The following DIPK1B variants were observed in gnomAD, a reference collection of about 807,000 sequenced individuals.
DIPK1B encodes family with sequence similarity 69 member B.
DIPK1B carries 17 observed loss-of-function variants against 20.7 expected under a neutral mutation model. The ratio of observed to expected loss-of-function variants is 0.82; its 90% CI spans 0.56 to 1.23. DIPK1B has a LOEUF of 1.23. Ranked by LOEUF, DIPK1B falls within the 50% of genes most tolerant of loss-of-function variation. The pLI is 0.00. For synonymous variants in DIPK1B, 343 were observed against 276.5 expected (o/e 1.24, Z -2.39); for missense variants, 648 against 601.8 (o/e 1.08, Z -0.80).
chr9:136,714,259 C>T (rs148841997), intron 1 of DIPK1B, among the ~76,000 whole-genome samples: 76 of 152,282 alleles, frequency 5.0e-4, no homozygotes, highest in African/African-American at 1.6e-3. Flanking sequence ...GCTGGGAGTT[C>T]GAGGCTGCAG....
chr9:136,719,432 G>C (rs1846554864), intron 2 of DIPK1B, among the ~76,000 whole-genome samples: 1 of 152,198 alleles, frequency 6.6e-6, no homozygotes, highest in African/African-American at 2.4e-5. Flanking sequence ...CCTCGTGGGG[G>C]CATTGGACGC....
chr9:136,718,433 G>A (rs1846536961), intron 2 of DIPK1B, among the ~76,000 whole-genome samples: 1 of 152,160 alleles, frequency 6.6e-6, no homozygotes, highest in Non-Finnish European at 1.5e-5. Flanking sequence ...GTGTGTGTCT[G>A]GGAGCAAACG....
At chr9:136,720,643 G>T (rs138353252) in intron 2 of DIPK1B, among the ~76,000 whole-genome samples, 1 of 152,320 alleles carries the variant, frequency 6.6e-6, no homozygotes, top group African/African-American at 2.4e-5. Flanking sequence ...TCTGGCTAAG[G>T]AGGGGGCCTG....
At chr9:136,720,051 T>A (rs1426044202) in intron 2 of DIPK1B, among the ~76,000 whole-genome samples, 2 of 143,162 alleles carry the variant, frequency 1.4e-5, no homozygotes, top group Non-Finnish European at 3.0e-5. Context: ...GGTCTGGGGC[T>A]CCGGGTGCAG....
chr9:136,723,472 C>G lies in DIPK1B; in HGVS notation c.994C>G (p.Arg332Gly), dbSNP rs143390599. The G allele has an allele frequency of 6.2e-7, 1 of 1,610,462 alleles. No homozygotes were observed. Reference protein sequence around the residue: ...EATVRRFLQGRRCEHSTDCTY... With the variant: ...EATVRRFLQGGRCEHSTDCTY... ...CACCGTGCGCCGCTTCCTGCAGGGC[C>G]GCCGCTGCGAGCACAGCACCGACTG... The change falls in exon 5 of 5, where the codon CGC (arginine) becomes GGC (glycine). Residue 332 changes from arginine (R) to glycine (G), a missense_variant. Physicochemically the swap from Arg to Gly is moderately radical, Grantham distance 125. Transcript: ENST00000371692.
chr9:136,712,910 C>T lies in DIPK1B; in HGVS notation c.63+182C>T, dbSNP rs377608867. On this transcript the variant is annotated intron_variant, in intron 1 of 4. Coordinates refer to ENST00000371692, the MANE Select transcript of DIPK1B (RefSeq NM_152421.4). The surrounding 1 kb of genome is among the most constrained non-coding windows in gnomAD (Gnocchi z 5.6). ...GAAGGACGGGACGCTGGGGGAGGGGCGGTGGCGGCGACAGGAGGGTCCGGG... is the reference window on the plus strand; with the variant it reads ...GAAGGACGGGACGCTGGGGGAGGGGTGGTGGCGGCGACAGGAGGGTCCGGG... 3.9e-4 allele frequency among the ~76,000 whole-genome samples: 59 copies of T among 152,070 alleles called. No individual in the cohort carries two copies. Among genetic ancestry groups the T allele is most frequent in the African/African-American group, 1.3e-3 (54 of 41,430 alleles).
In DIPK1B at chr9:136,713,270, C is replaced by G. The variant is rs1432582780; in HGVS notation, c.63+542C>G. Among the ~76,000 whole-genome samples, 4 of 152,286 alleles carry G rather than the reference C, an allele frequency of 2.6e-5. No homozygotes were observed. The South Asian group carries it at 8.3e-4, about 32-fold the overall frequency. ...TTCCAGCTGCCAGGAGCCCTTTCAC[C>G]TTCTGCTTTGGGGAGATGCAGGCCA... On this transcript the variant is annotated intron_variant, in intron 1 of 4. Transcript: ENST00000371692.
intron 4 of DIPK1B, 109 bp downstream of exon 4, chr9:136,722,410 G>A (rs11145847): frequency 1.3e-5 from 16 of 1,261,458 alleles, no homozygotes; most frequent in Non-Finnish European, 1.6e-5. Flanking sequence ...ATGGGCCCAA[G>A]TGGACCCTGG....
intron 1 of DIPK1B, among the ~76,000 whole-genome samples, chr9:136,713,720 C>G (rs1414146147): frequency 6.6e-6 from 1 of 152,254 alleles, no homozygotes; most frequent in Non-Finnish European, 1.5e-5. Context: ...GATGCTGATG[C>G]TTGGAGCTCC....
chr9:136,723,597 A>G lies in DIPK1B; in HGVS notation c.1119A>G (p.Leu373=). ...QPNLAKVCAL[L]RGYLLPGAPA... ...ACCTGGCCAAGGTGTGCGCACTGCTACGGGGCTACCTGCTGCCTGGCGCGC... is the reference window on the plus strand; with the variant it reads ...ACCTGGCCAAGGTGTGCGCACTGCTGCGGGGCTACCTGCTGCCTGGCGCGC... Residue 373 remains leucine (L), a synonymous_variant, in exon 5 of 5, where the codon CTA becomes CTG. Transcript: ENST00000371692. 2 of 1,592,666 alleles carry G rather than the reference A, an allele frequency of 1.3e-6. No individual in the cohort carries two copies. Among genetic ancestry groups the G allele is most frequent in the Non-Finnish European group, 1.7e-6 (2 of 1,170,596 alleles).
At position 136,723,523 on chromosome 9, in the gene DIPK1B, C is replaced by G; in HGVS notation, c.1045C>G (p.Pro349Ala). Reference sequence around the variant, plus strand: ...CACCTACGGGCGCGACTGCAGGGCCCCGTGTGACAGGCTCATGAGGCAGTG... The same window carrying G: ...CACCTACGGGCGCGACTGCAGGGCCGCGTGTGACAGGCTCATGAGGCAGTG... ...DCTYGRDCRA[P>A]CDRLMRQCKG... The change falls in exon 5 of 5, where the codon CCG (proline) becomes GCG (alanine). Residue 349 changes from proline to alanine, a missense_variant. Transcript: ENST00000371692. The G allele has an allele frequency of 6.2e-7, 1 of 1,600,652 alleles. No homozygotes were observed. The highest frequency in any genetic ancestry group is 8.5e-7 in the Non-Finnish European group (1 of 1,173,916).
intron 2 of DIPK1B, among the ~76,000 whole-genome samples, chr9:136,720,708 C>T (rs1846585577): frequency 6.6e-6 from 1 of 152,192 alleles, no homozygotes; most frequent in African/African-American, 2.4e-5. Context: ...GGTCCGTTTT[C>T]TCAGCCTTGA....
Position 136,723,290 on chromosome 9 carries a change from G to A in DIPK1B, c.812G>A (p.Arg271Gln), listed in dbSNP as rs536659122. Residue 271 changes from arginine to glutamine, a missense_variant, in exon 5 of 5, where the codon CGG (arginine) becomes CAG (glutamine). Physicochemically the swap from Arg to Gln is conservative, Grantham distance 43 (BLOSUM62 1). Transcript: ENST00000371692. ...QQWLGPAWPW[R>Q]AKIAIGLLEF... ...TGGCTGGGGCCTGCGTGGCCTTGGCGGGCCAAGATCGCCATCGGCCTGCTG... is the reference window on the plus strand; with the variant it reads ...TGGCTGGGGCCTGCGTGGCCTTGGCAGGCCAAGATCGCCATCGGCCTGCTG... 1.4e-5 allele frequency: 23 copies of A among 1,612,604 alleles called. No individual in the cohort carries two copies. In the Admixed American group the frequency reaches 1.8e-4, roughly 13 times the overall value.
chr9:136,723,160 C>T lies in DIPK1B; in HGVS notation c.682C>T (p.Leu228Phe). 1.9e-6 allele frequency: 3 copies of T among 1,613,346 alleles called. No homozygotes were observed. The highest frequency in any genetic ancestry group is 2.5e-6 in the Non-Finnish European group (3 of 1,179,972). Residue 228 changes from leucine (L) to phenylalanine (F), a missense_variant, in exon 5 of 5, where the codon CTC (leucine) becomes TTC (phenylalanine). Leu to Phe is a conservative substitution (Grantham distance 22). Transcript: ENST00000371692. ...ASRLLGYCGD[L>F]YLTEGVPHGA... Reference sequence around the variant, plus strand: ...CAGACTGCTGGGCTACTGTGGGGACCTCTACCTCACCGAGGGCGTGCCGCA... The same window carrying T: ...CAGACTGCTGGGCTACTGTGGGGACTTCTACCTCACCGAGGGCGTGCCGCA...
chr9:136,713,370 A>T (rs750283761), intron 1 of DIPK1B, among the ~76,000 whole-genome samples: 1 of 152,134 alleles, frequency 6.6e-6, no homozygotes, highest in Admixed American at 6.5e-5. Flanking sequence ...GACCCCAGCC[A>T]TCTGCCGGAG....
intron 1 of DIPK1B, 59 bp from the exon 2 acceptor site, chr9:136,717,518 G>A: frequency 1.3e-6 from 2 of 1,565,066 alleles, no homozygotes; most frequent in Non-Finnish European, 1.7e-6. Flanking sequence ...GTGGGGTTGA[G>A]AGCACCCTGA....
At chr9:136,716,662 G>A (rs1846500868) in intron 1 of DIPK1B, among the ~76,000 whole-genome samples, 3 of 151,920 alleles carry the variant, frequency 2.0e-5, no homozygotes, top group African/African-American at 2.4e-5. Flanking sequence ...CAGCCTCCCC[G>A]AGTGCTGGGT....
Position 136,724,309 on chromosome 9 carries a change from G to A in DIPK1B, c.*535G>A, listed in dbSNP as rs776871156. ...CCAGTACCCCCCAAACCTGGGCTGT[G>A]CACAACAGACCAAGAAAAAGGTGTT... is the stretch of plus-strand genomic sequence containing the variant. On this transcript the variant is annotated 3_prime_UTR_variant, in exon 5 of 5. Transcript: ENST00000371692. Among the ~76,000 whole-genome samples, 27 of 152,208 alleles carry A rather than the reference G, an allele frequency of 1.8e-4. No individual in the cohort carries two copies. The highest frequency in any genetic ancestry group is 4.1e-4 in the South Asian group (2 of 4,832).
rs578203888 is a variant in DIPK1B at position 136,719,123 on chromosome 9, C to T, written c.198+1412C>T. On this transcript the variant is annotated intron_variant, in intron 2 of 4. Coordinates refer to ENST00000371692, the MANE Select transcript of DIPK1B (RefSeq NM_152421.4). ...TAGAAGGACCAAGGAGGTGGAGGGGCCGGACCTCCGGGCCGGGATGTTGTG... is the reference window on the plus strand; with the variant it reads ...TAGAAGGACCAAGGAGGTGGAGGGGTCGGACCTCCGGGCCGGGATGTTGTG... 3.4e-3 allele frequency among the ~76,000 whole-genome samples: 474 copies of T among 140,354 alleles called. 3 individuals are homozygous for T. The highest frequency in any genetic ancestry group is 5.6e-3 in the Non-Finnish European group (367 of 65,276). The allele number at this position is 140,354 out of a possible 152,430, so 92.1% of individuals were successfully genotyped here. A position where few individuals can be genotyped will look rare whatever the true frequency, so the allele number is the denominator to read the frequency against.
Sources: allele counts gnomAD v4.1 joint callset (sites outside exome capture counted in the v4.1 genomes callset), GRCh38; gene constraint gnomAD v4.1.1; non-coding constraint Gnocchi (gnomAD v3.1); transcripts MANE v1.5; gene names NCBI Gene and HGNC (gene_info 2026-07-23, HGNC 2026-07-21).